Variants in DENND2B observed in about 807,000 individuals in gnomAD.
The protein encoded by DENND2B is DENN domain containing 2B.
In DENND2B, 32 loss-of-function variants were observed where a neutral mutation model predicts 116.0. The ratio of observed to expected loss-of-function variants is 0.28; its 90% confidence interval spans 0.21 to 0.37. The LOEUF (loss-of-function observed/expected upper bound fraction) is 0.37, where lower values mean the gene tolerates loss of function less well. Among genes scored for constraint, DENND2B ranks in the 10% least tolerant of loss-of-function variants. The pLI is 1.00. For missense variants in DENND2B, 1,276 were observed against 1,477.7 expected (o/e 0.86, Z 2.24); for synonymous variants, 588 against 583.9 (o/e 1.01, Z -0.10).
intron 2 of DENND2B, among the ~76,000 whole-genome samples, chr11:8,861,587 A>G (rs1268405306): frequency 6.6e-6 from 1 of 152,224 alleles, no homozygotes; most frequent in African/African-American, 2.4e-5. Flanking sequence ...GCTGGTGGGA[A>G]TATAAATTAG....
exon 1 of DENND2B, chr11:8,871,335 T>G (rs2063778451): frequency 6.6e-6 from 1 of 152,270 alleles, no homozygotes; most frequent in Non-Finnish European, 1.5e-5. Flanking sequence ...GGCCCTCACC[T>G]CCTCACCATC....
intron 1 of DENND2B, among the ~76,000 whole-genome samples, chr11:8,800,927 A>C (rs553153797): frequency 1.3e-5 from 2 of 152,122 alleles, no homozygotes; most frequent in African/African-American, 4.8e-5. Context: ...CTGCTGGGGC[A>C]AGTCTCACCT....
chr11:8,706,461 T>G (rs931255121), intron 13 of DENND2B, among the ~76,000 whole-genome samples: 14 of 150,380 alleles, frequency 9.3e-5, no homozygotes, highest in Non-Finnish European at 1.5e-5. Flanking sequence ...CTGGTTCCTC[T>G]ACTTGGAATA....
intron 1 of DENND2B, among the ~76,000 whole-genome samples, chr11:8,769,026 A>G (rs1242275535): frequency 1.3e-5 from 2 of 152,132 alleles, no homozygotes; most frequent in Non-Finnish European, 2.9e-5. Context: ...AGAATACTGT[A>G]GTAATGTGGC....
At chr11:8,866,072 G>T (rs1427775125) in intron 2 of DENND2B, among the ~76,000 whole-genome samples, 1 of 151,966 alleles carries the variant, frequency 6.6e-6, no homozygotes, top group Non-Finnish European at 1.5e-5. Flanking sequence ...CCATTCTCCT[G>T]CCTCAGCCTC....
upstream of DENND2B, among the ~76,000 whole-genome samples, chr11:8,813,983 G>A (rs372765112): frequency 2.4e-4 from 37 of 152,276 alleles, no homozygotes; most frequent in East Asian, 5.0e-3. Flanking sequence ...TGAAGGATAA[G>A]GATTTGACAA....
intron 2 of DENND2B, among the ~76,000 whole-genome samples, chr11:8,745,221 A>C (rs976277975): frequency 6.6e-6 from 1 of 151,814 alleles, no homozygotes; most frequent in African/African-American, 2.4e-5. Context: ...CATCCAGCTA[A>C]TTTTTGTACT....
In DENND2B at chr11:8,707,081, C is replaced by T. The variant is rs2042738631; in HGVS notation, c.2571+4G>A. 1 of 1,612,186 alleles carries T rather than the reference C, an allele frequency of 6.2e-7. No homozygotes were observed. The highest frequency in any genetic ancestry group is 8.5e-7 in the Non-Finnish European group (1 of 1,178,988). On this transcript the variant is annotated splice_donor_region_variant and intron_variant, in intron 13 of 19. Coordinates refer to ENST00000313726, the MANE Select transcript of DENND2B (RefSeq NM_213618.2). This position sits in a 1 kb window ranked among gnomAD's most constrained non-coding sequence, Gnocchi z 4.8. ...CCGAGAGAAGAGGGTGCAGAAATCC[C>T]TACCTCATTGCCAGCACCTGGCAGG...
intron 11 of DENND2B, among the ~76,000 whole-genome samples, chr11:8,709,328 A>G (rs2043183272): frequency 6.6e-6 from 1 of 152,180 alleles, no homozygotes; most frequent in Non-Finnish European, 1.5e-5. Context: ...CATTGTGTCC[A>G]ATCTGCAGGA....
At chr11:8,875,408 G>C (rs2134718756), upstream of DENND2B, among the ~76,000 whole-genome samples, 1 of 150,328 alleles carries the variant, frequency 6.7e-6, no homozygotes, top group South Asian at 2.1e-4. Flanking sequence ...AAAAATTTTT[G>C]ACACTGTGAT....
chr11:8,807,764 GCTTCTC>G (rs1311562500), intron 1 of DENND2B: 1 of 152,240 alleles, frequency 6.6e-6, no homozygotes, highest in African/African-American at 2.4e-5. Context: ...GCTGTGGGCA[GCTTCTC>G]CTTCAGGCCT....
At chr11:8,847,219 G>A (rs2062846682) in intron 3 of DENND2B, among the ~76,000 whole-genome samples, 1 of 152,136 alleles carries the variant, frequency 6.6e-6, no homozygotes, top group Non-Finnish European at 1.5e-5. Flanking sequence ...ACGTTCTAGT[G>A]GAGAGCATTC....
intron 3 of DENND2B, among the ~76,000 whole-genome samples, chr11:8,846,364 G>C (rs1011921110): frequency 1.6e-4 from 25 of 152,314 alleles, no homozygotes; most frequent in African/African-American, 4.8e-4. Context: ...GCTGGCCCTA[G>C]AGGTCAGGGC....
chr11:8,900,733 G>A lies in DENND2B; in HGVS notation c.-256+10088C>T, dbSNP rs538951368. The stretch of plus-strand genomic sequence containing the variant: ...TGTAATCCCAGCACTTTGGGAGGCC[G>A]AGGTGGGTAGATCACCTGAGGTCAG... On this transcript the variant is annotated intron_variant, in intron 1 of 22. Coordinates refer to the DENND2B transcript ENST00000534127. Among the ~76,000 whole-genome samples the A allele has an allele frequency of 1.2e-4, 18 of 151,918 alleles. No individual in the cohort carries two copies. In the East Asian group the frequency reaches 1.6e-3, roughly 13 times the overall value.
Position 8,693,725 on chromosome 11 carries a change from A to AGGCAGGCC in DENND2B, c.*363_*370dup, listed in dbSNP as rs1166880360. Reference sequence around the variant, plus strand: ...CTGGCAGCGGGGACCTCAGGCAGGCAGGCAGGCCGAAGGCCTCCAGGGAAG... The same window carrying AGGCAGGCC: ...CTGGCAGCGGGGACCTCAGGCAGGCAGGCAGGCCGGCAGGCCGAAGGCCTCCAGGGAAG... On this transcript the variant is annotated 3_prime_UTR_variant, in exon 20 of 20. Transcript: ENST00000313726. 14 of 211,224 alleles carry AGGCAGGCC rather than the reference A, an allele frequency of 6.6e-5. No individual in the cohort carries two copies. The highest frequency in any genetic ancestry group is 3.2e-4 in the African/African-American group (14 of 43,114). 13.1% of individuals were successfully genotyped at this position (211,224 alleles called of 1,614,324 possible).
At chr11:8,858,325 G>A (rs2063268187) in intron 2 of DENND2B, among the ~76,000 whole-genome samples, 1 of 152,102 alleles carries the variant, frequency 6.6e-6, no homozygotes, top group Non-Finnish European at 1.5e-5. Flanking sequence ...ATTTGGGAAA[G>A]CAGACAGGAA....
Position 8,712,801 on chromosome 11 carries a change from G to C in DENND2B, c.1988-66C>G. ...CCTCATGTTAACTCCTCTACCCCTGGCTCAGGGCTCCATTGCTGTGGAGCA... is the reference window on the plus strand; with the variant it reads ...CCTCATGTTAACTCCTCTACCCCTGCCTCAGGGCTCCATTGCTGTGGAGCA... On this transcript the variant is annotated intron_variant, in intron 8 of 19. Coordinates refer to ENST00000313726, the MANE Select transcript of DENND2B (RefSeq NM_213618.2). This position sits in a 1 kb window ranked among gnomAD's most constrained non-coding sequence, Gnocchi z 4.4. The C allele has an allele frequency of 6.7e-7, 1 of 1,494,102 alleles. No homozygotes were observed. The highest frequency in any genetic ancestry group is 9.0e-7 in the Non-Finnish European group (1 of 1,114,218). The allele number at this position is 1,494,102 out of a possible 1,614,324, so 92.6% of individuals were successfully genotyped here.
At chr11:8,893,687 CAA>C (rs1336141910) in intron 1 of DENND2B, among the ~76,000 whole-genome samples, 7 of 152,132 alleles carry the variant, frequency 4.6e-5, no homozygotes, top group Non-Finnish European at 8.8e-5. Flanking sequence ...ATCCAACTTA[CAA>C]GGGATGTGAA....
intron 1 of DENND2B, among the ~76,000 whole-genome samples, chr11:8,910,582 G>C (rs1053670789): frequency 3.4e-5 from 5 of 149,030 alleles, no homozygotes; most frequent in Admixed American, 2.7e-4. Context: ...GTGGACACGG[G>C]TTGTCGCTAT....
Sources: allele counts gnomAD v4.1 joint callset (sites outside exome capture counted in the v4.1 genomes callset), GRCh38; gene constraint gnomAD v4.1.1; non-coding constraint Gnocchi (gnomAD v3.1); transcripts MANE v1.5; gene names NCBI Gene and HGNC (gene_info 2026-07-23, HGNC 2026-07-21).